ZNF428: variants seen among roughly 807,000 people sequenced by gnomAD.
ZNF428 encodes zinc finger protein 428.
Under a neutral mutation model 15.6 loss-of-function variants are expected in ZNF428, and 5 were observed. That is an observed-to-expected ratio of 0.32 (90% CI 0.17 to 0.67). ZNF428 has a LOEUF of 0.67. Among genes scored for constraint, ZNF428 ranks in the 30% least tolerant of loss-of-function variants. The pLI is 0.73. For missense variants in ZNF428, 237 were observed against 256.0 expected (o/e 0.93, Z 0.51); for synonymous variants, 97 against 102.2 (o/e 0.95, Z 0.31).
Position 43,614,274 on chromosome 19 carries a change from C to G in ZNF428, c.31G>C (p.Gly11Arg). Residue 11 changes from glycine (G) to arginine (R), a missense_variant, in exon 2 of 3, where the codon GGG becomes CGG. By Grantham distance (125) the Gly-to-Arg change is moderately radical. Coordinates refer to ENST00000300811, the MANE Select transcript of ZNF428 (RefSeq NM_182498.4). MTETREPAET[G>R]GYASLEEDDE... ...TCTTCTTCCAAGCTGGCGTAGCCCC[C>G]AGTCTCAGCTGGCTCACGGGTCTCT... 1 of 1,613,008 alleles carries G rather than the reference C, an allele frequency of 6.2e-7. No homozygotes were observed. The highest frequency in any genetic ancestry group is 8.5e-7 in the Non-Finnish European group (1 of 1,179,302).
In ZNF428 at chr19:43,612,943, C is replaced by A. The variant is rs1376675093; in HGVS notation, c.76+1286G>T. The A allele has an allele frequency of 8.4e-6, 13 of 1,551,546 alleles. No individual in the cohort carries two copies. Among genetic ancestry groups the A allele is most frequent in the Non-Finnish European group, 1.1e-5 (13 of 1,146,980 alleles). ...TCAAGAGTTATAACCAGGCCAGCACCCGCAGCAGGCCGCAAAGTCACAGCC... is the reference window on the plus strand; with the variant it reads ...TCAAGAGTTATAACCAGGCCAGCACACGCAGCAGGCCGCAAAGTCACAGCC... On this transcript the variant is annotated intron_variant, in intron 2 of 2. Coordinates refer to ENST00000300811, the MANE Select transcript of ZNF428 (RefSeq NM_182498.4). The surrounding 1 kb of genome is among the most constrained non-coding windows in gnomAD (Gnocchi z 4.2).
intron 2 of ZNF428, among the ~76,000 whole-genome samples, chr19:43,610,261 G>C (rs1236881304): frequency 6.6e-6 from 1 of 151,744 alleles, no homozygotes; most frequent in Non-Finnish European, 1.5e-5. Flanking sequence ...GTGCAGTGGC[G>C]TGATCTCAGC....
chr19:43,613,891 G>A, intron 2 of ZNF428: 1 of 1,551,658 alleles, frequency 6.4e-7, no homozygotes, highest in South Asian at 1.2e-5. Flanking sequence ...CCAGCGAGGA[G>A]AGAGATCACA....
intron 1 of ZNF428, among the ~76,000 whole-genome samples, chr19:43,615,325 G>C (rs1475233935): frequency 6.6e-6 from 1 of 151,910 alleles, no homozygotes; most frequent in Non-Finnish European, 1.5e-5. Context: ...ATGTTGCCCA[G>C]AGCTCAAGCA....
At chr19:43,617,935 C>T (rs1344297897) in intron 1 of ZNF428, among the ~76,000 whole-genome samples, 4 of 151,860 alleles carry the variant, frequency 2.6e-5, no homozygotes, top group African/African-American at 9.7e-5. Flanking sequence ...GATCTCGGCT[C>T]ACTGCAACCT....
intron 2 of ZNF428, chr19:43,613,037 A>G: frequency 6.4e-7 from 1 of 1,551,670 alleles, no homozygotes; most frequent in Non-Finnish European, 8.7e-7. Context: ...GAGAAGTCAC[A>G]GTTGGAAGAG....
Position 43,614,338 on chromosome 19 carries a change from C to G in ZNF428, c.-34G>C. On this transcript the variant is annotated 5_prime_UTR_variant, in exon 2 of 3. Coordinates refer to ENST00000300811, the MANE Select transcript of ZNF428 (RefSeq NM_182498.4). ...GAGGGGACAGGAGACAGGAGCAGAG[C>G]AGCAGCTGAGCAGCGTCCCTCCCCG... 6.4e-7 allele frequency: 1 copy of G among 1,569,560 alleles called. No homozygotes were observed. Among genetic ancestry groups the G allele is most frequent in the Non-Finnish European group, 8.6e-7 (1 of 1,159,120 alleles).
intron 1 of ZNF428, among the ~76,000 whole-genome samples, chr19:43,618,025 CTTTTTTTTTTTTTT>C (rs35170127): frequency 3.6e-5 from 2 of 55,356 alleles, no homozygotes; most frequent in African/African-American, 9.3e-5. Context: ...CCATGCCCGG[CTTTTTTTTTTTTTT>C]TTTTTTTTTT....
Position 43,612,350 on chromosome 19 carries a change from C to T in ZNF428, c.76+1879G>A, listed in dbSNP as rs753520169. 56 of 1,551,568 alleles carry T rather than the reference C, an allele frequency of 3.6e-5. 1 individual carries two copies. Among genetic ancestry groups the T allele is most frequent in the South Asian group, 3.3e-4 (28 of 84,064 alleles). On this transcript the variant is annotated intron_variant, in intron 2 of 2. Transcript: ENST00000300811. This position sits in a 1 kb window ranked among gnomAD's most constrained non-coding sequence, Gnocchi z 4.2. The stretch of plus-strand genomic sequence containing the variant: ...CAGTACAAAAAGAGCCCCTTCTAAC[C>T]GGCCCAGCAGCAGGTCCCGAGTCCG...
intron 2 of ZNF428, among the ~76,000 whole-genome samples, chr19:43,611,157 C>T (rs1261459825): frequency 1.3e-5 from 2 of 152,086 alleles, no homozygotes; most frequent in African/African-American, 2.4e-5. Context: ...CAGTCAGCTG[C>T]CCCCCAGGGT....
In ZNF428 at chr19:43,618,726, G is replaced by T. The variant is rs1397631016; in HGVS notation, c.-131+832C>A. Among the ~76,000 whole-genome samples, 8 of 152,044 alleles carry T rather than the reference G, an allele frequency of 5.3e-5. No individual in the cohort carries two copies. The South Asian group carries it at 1.7e-3, about 32-fold the overall frequency. On this transcript the variant is annotated intron_variant, in intron 1 of 2. Coordinates refer to ENST00000300811, the MANE Select transcript of ZNF428 (RefSeq NM_182498.4). ...GAATTAATATAGCTATGTTCCATGT[G>T]ATATTTGGGACATACTTTTCTAAAA...
chr19:43,607,731 C>T lies in ZNF428; in HGVS notation c.453G>A (p.Glu151=), dbSNP rs1973253978. The change falls in exon 3 of 3, where the codon GAG becomes GAA. Residue 151 remains glutamate (E), a synonymous_variant. Coordinates refer to ENST00000300811, the MANE Select transcript of ZNF428 (RefSeq NM_182498.4). This position sits in a 1 kb window ranked among gnomAD's most constrained non-coding sequence, Gnocchi z 5.1. ...AGEGRPAGRE[E]EEEEEEEGTY... Reference sequence around the variant, plus strand: ...TTCCCTCCTCCTCCTCTTCCTCCTCCTCCTCCCGCCCAGCTGGTCGGCCCT... The same window carrying T: ...TTCCCTCCTCCTCCTCTTCCTCCTCTTCCTCCCGCCCAGCTGGTCGGCCCT... The T allele has an allele frequency of 1.2e-6, 2 of 1,613,346 alleles. No homozygotes were observed. The highest frequency in any genetic ancestry group is 1.3e-5 in the African/African-American group (1 of 74,904).
At position 43,614,348 on chromosome 19, in the gene ZNF428, G is replaced by A; in HGVS notation, c.-44C>T. On this transcript the variant is annotated 5_prime_UTR_variant, in exon 2 of 3. Coordinates refer to ENST00000300811, the MANE Select transcript of ZNF428 (RefSeq NM_182498.4). The stretch of plus-strand genomic sequence containing the variant: ...GAGACAGGAGCAGAGCAGCAGCTGA[G>A]CAGCGTCCCTCCCCGGCCAGCTCTC... 6.4e-7 allele frequency: 1 copy of A among 1,554,704 alleles called. No individual in the cohort carries two copies. The highest frequency in any genetic ancestry group is 1.2e-5 in the South Asian group (1 of 80,806).
chr19:43,608,144 G>C, intron 2 of ZNF428, 37 bp from the exon 3 acceptor site: 1 of 1,580,522 alleles, frequency 6.3e-7, no homozygotes. Context: ...AGTGGTATCA[G>C]AGGAAAGAGG....
intron 2 of ZNF428, among the ~76,000 whole-genome samples, chr19:43,609,978 C>T (rs1973278527): frequency 6.6e-6 from 1 of 152,136 alleles, no homozygotes; most frequent in South Asian, 2.1e-4. Context: ...GATCCTGCTA[C>T]TGCACCCTGT....
At chr19:43,617,344 C>G (rs1304735709) in intron 1 of ZNF428, among the ~76,000 whole-genome samples, 2 of 152,084 alleles carry the variant, frequency 1.3e-5, no homozygotes, top group Non-Finnish European at 2.9e-5. Context: ...GTTGATGCAG[C>G]CTCAGCTATA....
chr19:43,614,487 C>T (rs1973352449), intron 1 of ZNF428, 53 bp from the exon 2 acceptor site: 1 of 1,414,162 alleles, frequency 7.1e-7, no homozygotes, highest in Non-Finnish European at 9.2e-7. Flanking sequence ...TTTTACATAG[C>T]ACCCATCCCC....
rs760171652 is a variant in ZNF428, at chr19:43,612,278, C to T, written c.76+1951G>A. The T allele has an allele frequency of 1.2e-5, 19 of 1,551,672 alleles. No individual in the cohort carries two copies. Among genetic ancestry groups the T allele is most frequent in the East Asian group, 2.4e-5 (1 of 40,910 alleles). On this transcript the variant is annotated intron_variant, in intron 2 of 2. Coordinates refer to ENST00000300811, the MANE Select transcript of ZNF428 (RefSeq NM_182498.4). The surrounding 1 kb of genome is among the most constrained non-coding windows in gnomAD (Gnocchi z 4.2). Reference sequence around the variant, plus strand: ...AGTGCCCACCAAACCAGCGACATCCCGTAACTCAGTCATGAGCCCAAGCAG... The same window carrying T: ...AGTGCCCACCAAACCAGCGACATCCTGTAACTCAGTCATGAGCCCAAGCAG...
At chr19:43,613,985 A>G in intron 2 of ZNF428, 1 of 1,551,732 alleles carries the variant, frequency 6.4e-7, no homozygotes, top group Non-Finnish European at 8.7e-7. Flanking sequence ...CCGATCTAGA[A>G]CCCCCAGCAA....
Sources: allele counts gnomAD v4.1 joint callset (sites outside exome capture counted in the v4.1 genomes callset), GRCh38; gene constraint gnomAD v4.1.1; non-coding constraint Gnocchi (gnomAD v3.1); transcripts MANE v1.5; gene names NCBI Gene and HGNC (gene_info 2026-07-23, HGNC 2026-07-21).